The following GULP1 variants were observed in gnomAD, a reference collection of about 807,000 sequenced individuals.
GULP1 encodes the protein GULP PTB domain containing engulfment adaptor 1.
In GULP1, 19 loss-of-function variants were observed where a neutral mutation model predicts 40.9. That is an observed-to-expected ratio of 0.46 (90% CI 0.32 to 0.68). The LOEUF (loss-of-function observed/expected upper bound fraction) is 0.68. GULP1 is among the 30% of genes least tolerant of loss of function. The pLI is 0.03. For synonymous variants in GULP1, 119 were observed against 117.6 expected, an observed-to-expected ratio of 1.01 and a Z score of -0.08; for missense variants, 312 against 362.2, an observed-to-expected ratio of 0.86 and a Z score of 1.12.
At chr2:188,511,751 A>G (rs560938560) in intron 4 of GULP1, among the ~76,000 whole-genome samples, 1 of 152,344 alleles carries the variant, frequency 6.6e-6, no homozygotes, top group South Asian at 2.1e-4. Context: ...AACAAATACA[A>G]TGTAATAAAT....
chr2:188,426,712 GTTTC>G (rs1027686666), intron 2 of GULP1, among the ~76,000 whole-genome samples: 1 of 152,128 alleles, frequency 6.6e-6, no homozygotes, highest in African/African-American at 2.4e-5. Context: ...AAATGTAGGA[GTTTC>G]TTTATAGCAA....
In GULP1 at chr2:188,385,376, A is replaced by G. The variant is rs185069465; in HGVS notation, c.-45+1487A>G. Reference sequence around the variant, plus strand: ...GCTGGAGCAGCTGGGATGCAGGCCCATCAAGTCCCTAGACTTCGTAAAGCA... The same window carrying G: ...GCTGGAGCAGCTGGGATGCAGGCCCGTCAAGTCCCTAGACTTCGTAAAGCA... On this transcript the variant is annotated intron_variant, in intron 2 of 11. Coordinates refer to ENST00000409830, the MANE Select transcript of GULP1 (RefSeq NM_016315.4). 3.2e-4 allele frequency among the ~76,000 whole-genome samples: 49 copies of G among 152,262 alleles called. No homozygotes were observed. The South Asian group carries it at 3.5e-3, about 11-fold the overall frequency.
intron 1 of GULP1, among the ~76,000 whole-genome samples, chr2:188,377,217 A>C (rs2048410695): frequency 6.6e-6 from 1 of 152,122 alleles, no homozygotes; most frequent in Non-Finnish European, 1.5e-5. Context: ...ACAAATATTT[A>C]TGTACAAAGA....
At chr2:188,592,583 T>TTCACA (rs1218903310) in intron 11 of GULP1, 1 of 152,024 alleles carries the variant, frequency 6.6e-6, no homozygotes, top group Non-Finnish European at 1.5e-5. Flanking sequence ...TTGAAAAACT[T>TTCACA]TCACAATGAT....
At chr2:188,352,614 T>TCACACACA (rs1326667036) in intron 1 of GULP1, among the ~76,000 whole-genome samples, 34 of 60,376 alleles carry the variant, frequency 5.6e-4, no homozygotes, top group African/African-American at 1.8e-3. Flanking sequence ...TCTCTCTCTC[T>TCACACACA]CTCTCACACA....
intron 1 of GULP1, among the ~76,000 whole-genome samples, chr2:188,330,788 G>T (rs1057371998): frequency 2.0e-5 from 3 of 152,114 alleles, no homozygotes; most frequent in Admixed American, 2.0e-4. Context: ...AAAATGAAAA[G>T]GTTCATCTGG....
intron 2 of GULP1, among the ~76,000 whole-genome samples, chr2:188,409,219 T>G (rs1272773024): frequency 1.3e-5 from 2 of 151,726 alleles, no homozygotes; most frequent in African/African-American, 4.8e-5. Flanking sequence ...GCAAAATGAA[T>G]CAACAAGCCT....
At chr2:188,541,086 T>TTAAAGTC in intron 6 of GULP1, 95 bp from the exon 7 acceptor site, 1 of 1,022,778 alleles carries the variant, frequency 9.8e-7, no homozygotes, top group Non-Finnish European at 1.5e-6. Flanking sequence ...ATGATTGTTC[T>TTAAAGTC]ACTTTTAAAG....
At chr2:188,512,560 T>C (rs1402580495) in intron 4 of GULP1, among the ~76,000 whole-genome samples, 1 of 152,112 alleles carries the variant, frequency 6.6e-6, no homozygotes, top group Non-Finnish European at 1.5e-5. Context: ...TTTTCTGATA[T>C]TTAAAAACAG....
rs1000395253 is a variant in GULP1 at position 188,387,235 on chromosome 2, T to TA, written c.-45+3357dup. On this transcript the variant is annotated intron_variant, in intron 2 of 11. Coordinates refer to ENST00000409830, the MANE Select transcript of GULP1 (RefSeq NM_016315.4). The stretch of plus-strand genomic sequence containing the variant: ...TGGGCAATAAGAGTGAGACTCCATC[T>TA]AAAAAAAAAAATAAAGAAAAGTGTA... 2.9e-4 allele frequency among the ~76,000 whole-genome samples: 42 copies of TA among 146,318 alleles called. No homozygotes were observed. The East Asian group carries it at 4.4e-3, about 15-fold the overall frequency.
At chr2:188,324,790 A>T (rs888196493) in intron 1 of GULP1, among the ~76,000 whole-genome samples, 26 of 152,120 alleles carry the variant, frequency 1.7e-4, no homozygotes, top group African/African-American at 6.3e-4. Context: ...TAAAATAAAG[A>T]TAAATCTAAA....
intron 3 of GULP1, among the ~76,000 whole-genome samples, chr2:188,479,469 G>T (rs1163959712): frequency 6.6e-6 from 1 of 151,968 alleles, no homozygotes; most frequent in East Asian, 1.9e-4. Flanking sequence ...ATAGAGATAG[G>T]ATCTTGCTAC....
intron 4 of GULP1, among the ~76,000 whole-genome samples, chr2:188,513,921 G>A (rs992455928): frequency 2.0e-5 from 3 of 152,108 alleles, no homozygotes; most frequent in Non-Finnish European, 4.4e-5. Flanking sequence ...GCTACTGTCT[G>A]TGTGGGGTTT....
chr2:188,319,812 T>C (rs1428456853), intron 1 of GULP1, among the ~76,000 whole-genome samples: 2 of 152,152 alleles, frequency 1.3e-5, no homozygotes, highest in African/African-American at 4.8e-5. Flanking sequence ...GATTCAGAGC[T>C]CTTTTTTTGT....
At chr2:188,493,895 A>T (rs1160149462) in intron 4 of GULP1, among the ~76,000 whole-genome samples, 1 of 152,056 alleles carries the variant, frequency 6.6e-6, no homozygotes, top group Admixed American at 6.6e-5. Flanking sequence ...GGCCCCTGGT[A>T]GAGTCAGATT....
chr2:188,308,694 G>C (rs1347410128), intron 1 of GULP1, among the ~76,000 whole-genome samples: 1 of 152,182 alleles, frequency 6.6e-6, no homozygotes, highest in Non-Finnish European at 1.5e-5. Flanking sequence ...CTCCTTACCA[G>C]ACATTCCCAT....
chr2:188,447,393 G>A (rs1238903414), intron 2 of GULP1, among the ~76,000 whole-genome samples: 2 of 152,144 alleles, frequency 1.3e-5, no homozygotes, highest in African/African-American at 4.8e-5. Flanking sequence ...TGCCCTGGCC[G>A]AGAGGAAGAA....
At chr2:188,395,187 C>T (rs1168749910) in intron 2 of GULP1, among the ~76,000 whole-genome samples, 2 of 152,162 alleles carry the variant, frequency 1.3e-5, no homozygotes, top group Admixed American at 6.5e-5. Flanking sequence ...GGCACCTGAA[C>T]TCCCCTGTCA....
chr2:188,414,693 C>G (rs2152734169), intron 2 of GULP1, among the ~76,000 whole-genome samples: 1 of 152,248 alleles, frequency 6.6e-6, no homozygotes, highest in East Asian at 1.9e-4. Flanking sequence ...ATGTCAGGGG[C>G]TTACAATTTT....
Sources: gnomAD v4.1 joint callset for allele counts (sites outside exome capture counted in the v4.1 genomes callset) on GRCh38, gnomAD v4.1.1 for gene constraint, MANE v1.5 for transcripts, NCBI Gene and HGNC (gene_info 2026-07-23, HGNC 2026-07-21) for gene names.